The following FGF14 variants were observed in gnomAD, a reference collection of about 807,000 sequenced individuals.
FGF14 encodes the protein fibroblast growth factor 14.
In FGF14, 5 loss-of-function variants were observed where a neutral mutation model predicts 25.5. The ratio of observed to expected loss-of-function variants is 0.20; its 90% CI spans 0.10 to 0.41. The LOEUF (loss-of-function observed/expected upper bound fraction) is 0.41. Ranked by LOEUF, FGF14 falls within the 10% of genes least tolerant of loss-of-function variation. The pLI is 1.00. For synonymous variants in FGF14, 138 were observed against 118.3 expected (o/e 1.17, Z -1.08); for missense variants, 222 against 320.1 (o/e 0.69, Z 2.34).
chr13:102,248,014 T>C (rs2051970861), intron 1 of FGF14, among the ~76,000 whole-genome samples: 1 of 152,116 alleles, frequency 6.6e-6, no homozygotes, highest in Non-Finnish European at 1.5e-5. Context: ...GTGCATGTTC[T>C]CACTTAGAAG....
intron 1 of FGF14, among the ~76,000 whole-genome samples, chr13:102,264,796 C>A (rs1023711724): frequency 6.6e-6 from 1 of 152,106 alleles, no homozygotes; most frequent in Non-Finnish European, 1.5e-5. Context: ...AGCTGGTACA[C>A]AGTGACTGTC....
In FGF14 at chr13:101,722,442, C is replaced by T; in HGVS notation, c.*389G>A. 1 of 314,730 alleles carries T rather than the reference C, an allele frequency of 3.2e-6. No homozygotes were observed. The highest frequency in any genetic ancestry group is 6.2e-6 in the Non-Finnish European group (1 of 161,390). 19.5% of individuals were successfully genotyped at this position (314,730 alleles called of 1,614,324 possible). On this transcript the variant is annotated 3_prime_UTR_variant, in exon 5 of 5. Transcript: ENST00000376143. ...ATTACTCAATATTATTTGTGTGCTA[C>T]AAAATTGAACTTAAACACATAGATT...
At chr13:102,363,159 G>A (rs556827533) in intron 1 of FGF14, among the ~76,000 whole-genome samples, 11 of 152,146 alleles carry the variant, frequency 7.2e-5, no homozygotes, top group East Asian at 1.9e-4. Context: ...CAAAGAAATC[G>A]AAATGTAATT....
chr13:102,386,275 G>C (rs951455794), intron 1 of FGF14, among the ~76,000 whole-genome samples: 1 of 151,696 alleles, frequency 6.6e-6, no homozygotes, highest in South Asian at 2.1e-4. Context: ...TGGGATTATA[G>C]GCATGTGCCA....
At chr13:101,809,388 A>T (rs545215159) in intron 3 of FGF14, among the ~76,000 whole-genome samples, 36 of 152,270 alleles carry the variant, frequency 2.4e-4, no homozygotes, top group Non-Finnish European at 1.8e-4. Flanking sequence ...ATGCTATCAC[A>T]CTGCCAGGCT....
chr13:102,022,121 C>T (rs529284213), intron 1 of FGF14, among the ~76,000 whole-genome samples: 1 of 152,172 alleles, frequency 6.6e-6, no homozygotes. Flanking sequence ...TGTTAAGCAG[C>T]ACCCCCACCC....
At position 101,710,901 on chromosome 13, in the gene FGF14, C is replaced by G. The variant is rs530507326; in HGVS notation, c.*11930G>C. ...TTAAAACAAGATACATTCTTGTGAC[C>G]TTCATAACAGATGGAGTAGTTAGTA... On this transcript the variant is annotated 3_prime_UTR_variant, in exon 5 of 5. Coordinates refer to ENST00000376143, the MANE Select transcript of FGF14 (RefSeq NM_004115.4). 1.6e-4 allele frequency: 24 copies of G among 152,268 alleles called. No individual in the cohort carries two copies. The South Asian group carries it at 4.4e-3, about 28-fold the overall frequency. 9.4% of individuals were successfully genotyped at this position (152,268 alleles called of 1,614,324 possible). A position where few individuals can be genotyped will look rare whatever the true frequency, so the allele number is the denominator to read the frequency against.
chr13:102,008,021 G>A (rs1771689024), intron 1 of FGF14, among the ~76,000 whole-genome samples: 2 of 152,248 alleles, frequency 1.3e-5, no homozygotes, highest in East Asian at 1.9e-4. Context: ...CCAGGCTACA[G>A]GTGAGAATGA....
intron 1 of FGF14, among the ~76,000 whole-genome samples, chr13:102,238,907 C>T (rs996384277): frequency 6.6e-6 from 1 of 152,016 alleles, no homozygotes; most frequent in Non-Finnish European, 1.5e-5. Flanking sequence ...AAATAAAATG[C>T]ACATTGCTGA....
chr13:101,762,279 A>T lies in FGF14; in HGVS notation c.409-35469T>A, dbSNP rs376770079. 5.9e-5 allele frequency among the ~76,000 whole-genome samples: 9 copies of T among 152,312 alleles called. No individual in the cohort carries two copies. In the East Asian group the frequency reaches 1.7e-3, roughly 29 times the overall value. On this transcript the variant is annotated intron_variant, in intron 3 of 4. Transcript: ENST00000376143. ...CAATATTTTGAAATAGCAAGACACA[A>T]ATATGAAATTGGCAATATATGCCTT...
rs1186475445 is a variant in FGF14, at chr13:101,721,447, T to A, written c.*1384A>T. ...ATGAATGTGTTGGTTTGCCTTTATT[T>A]TCATCTAGGATAATTCAACAGACTG... On this transcript the variant is annotated 3_prime_UTR_variant, in exon 5 of 5. Coordinates refer to ENST00000376143, the MANE Select transcript of FGF14 (RefSeq NM_004115.4). 1 of 151,856 alleles carries A rather than the reference T, an allele frequency of 6.6e-6. No homozygotes were observed. The highest frequency in any genetic ancestry group is 1.5e-5 in the Non-Finnish European group (1 of 67,954). The allele number at this position is 151,856 out of a possible 1,614,324, so 9.4% of individuals were successfully genotyped here.
intron 1 of FGF14, among the ~76,000 whole-genome samples, chr13:102,148,952 C>T (rs1304211700): frequency 6.6e-6 from 1 of 152,108 alleles, no homozygotes; most frequent in African/African-American, 2.4e-5. Flanking sequence ...TGCTGCAGTG[C>T]CGCACATGTA....
intron 1 of FGF14, among the ~76,000 whole-genome samples, chr13:102,111,857 C>T (rs774407909): frequency 2.6e-5 from 4 of 151,402 alleles, no homozygotes; most frequent in Non-Finnish European, 5.9e-5. Context: ...ATACTCTGAC[C>T]TTATTCTTAC....
chr13:101,856,237 G>C (rs558390073), intron 3 of FGF14, among the ~76,000 whole-genome samples: 1 of 151,766 alleles, frequency 6.6e-6, no homozygotes, highest in South Asian at 2.1e-4. Flanking sequence ...AAATTGTCTA[G>C]ACAACTTTTG....
intron 1 of FGF14, among the ~76,000 whole-genome samples, chr13:102,376,968 G>A (rs74112335): frequency 1.2e-4 from 19 of 152,192 alleles, no homozygotes; most frequent in Non-Finnish European, 1.6e-4. Flanking sequence ...TGAGAAATGC[G>A]CTTATTGGGC....
chr13:102,159,139 C>CAAA (rs1228096265), intron 1 of FGF14, among the ~76,000 whole-genome samples: 17 of 73,800 alleles, frequency 2.3e-4, no homozygotes, highest in African/African-American at 3.5e-4. Flanking sequence ...GACTCTGTCT[C>CAAA]AAAAAAAAAA....
chr13:101,951,499 A>G (rs1188813401), intron 1 of FGF14, among the ~76,000 whole-genome samples: 1 of 152,178 alleles, frequency 6.6e-6, no homozygotes, highest in Non-Finnish European at 1.5e-5. Context: ...AATAGATTCT[A>G]GAAGTTTGGA....
intron 1 of FGF14, among the ~76,000 whole-genome samples, chr13:102,071,113 A>G (rs1161024195): frequency 2.0e-5 from 3 of 152,224 alleles, no homozygotes; most frequent in African/African-American, 7.2e-5. Flanking sequence ...TCTAAATCAT[A>G]GGTAAACATC....
intron 1 of FGF14, among the ~76,000 whole-genome samples, chr13:101,901,044 G>A (rs956835114): frequency 5.9e-5 from 9 of 152,238 alleles, no homozygotes; most frequent in African/African-American, 1.9e-4. Flanking sequence ...TAAAAGAAAT[G>A]CCTTTTAGAG....
Sources: gnomAD v4.1 joint callset for allele counts (sites outside exome capture counted in the v4.1 genomes callset) on GRCh38, gnomAD v4.1.1 for gene constraint, MANE v1.5 for transcripts, NCBI Gene and HGNC (gene_info 2026-07-23, HGNC 2026-07-21) for gene names.